CTNNA3: variants seen among roughly 807,000 people sequenced by gnomAD.
CTNNA3 encodes the protein catenin alpha-3.
In CTNNA3, 76 loss-of-function variants were observed where a neutral mutation model predicts 95.7. The ratio of observed to expected loss-of-function variants is 0.79; its 90% CI spans 0.66 to 0.96. The LOEUF is 0.96. CTNNA3 is among the 40% of genes least tolerant of loss of function. The probability of loss-of-function intolerance (pLI) is 0.00; values close to 1 mark genes in which losing one functional copy is unlikely to be tolerated. For missense variants in CTNNA3, 1,191 were observed against 1,089.8 expected (o/e 1.09, Z -1.31); for synonymous variants, 431 against 374.4 (o/e 1.15, Z -1.74).
At chr10:66,493,598 T>C (rs1308577260) in intron 11 of CTNNA3, among the ~76,000 whole-genome samples, 1 of 133,524 alleles carries the variant, frequency 7.5e-6, no homozygotes, top group Non-Finnish European at 1.5e-5. Context: ...TTAACTACAG[T>C]ATTTTTTTTT....
At chr10:66,544,038 T>C (rs187282496) in intron 10 of CTNNA3, among the ~76,000 whole-genome samples, 8 of 150,580 alleles carry the variant, frequency 5.3e-5, no homozygotes, top group African/African-American at 9.7e-5. Flanking sequence ...ATTAGTAATT[T>C]TATTTACTGC....
At chr10:67,399,141 C>T (rs966262218) in intron 5 of CTNNA3, among the ~76,000 whole-genome samples, 1 of 151,800 alleles carries the variant, frequency 6.6e-6, no homozygotes, top group Non-Finnish European at 1.5e-5. Context: ...GGGGCAGAGG[C>T]AGAAGAGATG....
intron 15 of CTNNA3, among the ~76,000 whole-genome samples, chr10:66,035,403 T>G (rs1023433280): frequency 7.2e-5 from 11 of 152,096 alleles, no homozygotes; most frequent in African/African-American, 2.7e-4. Context: ...TAAACAAAAG[T>G]TAACAGTATT....
intron 10 of CTNNA3, among the ~76,000 whole-genome samples, chr10:66,562,379 A>C (rs1842580177): frequency 6.6e-6 from 1 of 152,178 alleles, no homozygotes; most frequent in African/African-American, 2.4e-5. Context: ...GCTGATGTTC[A>C]CACACCTAAG....
chr10:67,539,653 T>A lies in CTNNA3; in HGVS notation c.309A>T (p.Val103=). The change falls in exon 4 of 18, where the codon GTA becomes GTT. Residue 103 remains valine, a synonymous_variant. Transcript: ENST00000433211. ...GGTCATCTGTAAATCTCTCAGCTGA[T>A]ACTTTCAGAGCTTCACCTGAAAAAT... ...EVRKESEALK[V]SAERFTDDPC... 6.2e-7 allele frequency: 1 copy of A among 1,613,462 alleles called. No homozygotes were observed. The highest frequency in any genetic ancestry group is 8.5e-7 in the Non-Finnish European group (1 of 1,179,580).
intron 13 of CTNNA3, among the ~76,000 whole-genome samples, chr10:66,200,584 A>G (rs149241749): frequency 1.6e-3 from 243 of 152,286 alleles, no homozygotes; most frequent in Non-Finnish European, 2.7e-3. Context: ...TGTCACAATG[A>G]CTGGACTTCT....
intron 9 of CTNNA3, among the ~76,000 whole-genome samples, chr10:66,736,272 G>A (rs1041217863): frequency 1.3e-5 from 2 of 151,596 alleles, no homozygotes; most frequent in South Asian, 2.1e-4. Context: ...TGCAACTTCC[G>A]CCTCCCGGGT....
rs554073456 is a variant in CTNNA3 at position 67,228,763 on chromosome 10, C to G, written c.580-8893G>C. Among the ~76,000 whole-genome samples the G allele has an allele frequency of 1.9e-3, 292 of 152,176 alleles. 1 individual carries two copies. Among genetic ancestry groups the G allele is most frequent in the Non-Finnish European group, 3.3e-3 (222 of 67,988 alleles). The stretch of plus-strand genomic sequence containing the variant: ...TCCTGGAAAAATACAACCCTCCTAG[C>G]TTAAATCGGTAAGAATTAGATACCC... On this transcript the variant is annotated intron_variant, in intron 5 of 17. Coordinates refer to ENST00000433211, the MANE Select transcript of CTNNA3 (RefSeq NM_013266.4).
chr10:66,752,088 T>C (rs76296846), intron 9 of CTNNA3, among the ~76,000 whole-genome samples: 2,240 of 152,278 alleles, frequency 0.015, 31 homozygotes, highest in African/African-American at 0.051. Context: ...GTGTAGGTAC[T>C]GATAGGCTTA....
intron 6 of CTNNA3, among the ~76,000 whole-genome samples, chr10:67,181,461 T>C (rs1176849159): frequency 6.6e-6 from 1 of 152,134 alleles, no homozygotes; most frequent in Non-Finnish European, 1.5e-5. Context: ...AAAGAGATAG[T>C]GTAGAATAAA....
At chr10:66,514,269 C>T (rs895233273) in intron 11 of CTNNA3, among the ~76,000 whole-genome samples, 3 of 151,966 alleles carry the variant, frequency 2.0e-5, no homozygotes, top group African/African-American at 7.3e-5. Context: ...CAGCAAATAC[C>T]TATTAAGAGA....
intron 9 of CTNNA3, among the ~76,000 whole-genome samples, chr10:66,747,335 A>G (rs72802607): frequency 0.082 from 12,443 of 152,242 alleles, 732 homozygotes; most frequent in East Asian, 0.23. Context: ...ATTCTTCAAG[A>G]CTAAATGGTT....
At chr10:67,044,429 T>C (rs1854600355) in intron 7 of CTNNA3, among the ~76,000 whole-genome samples, 1 of 152,178 alleles carries the variant, frequency 6.6e-6, no homozygotes, top group African/African-American at 2.4e-5. Flanking sequence ...AAAAACTTGC[T>C]TTTAAGAAGA....
At chr10:66,916,892 C>T (rs886368906) in intron 7 of CTNNA3, among the ~76,000 whole-genome samples, 2 of 151,980 alleles carry the variant, frequency 1.3e-5, no homozygotes, top group African/African-American at 4.8e-5. Context: ...CAATGAAAAC[C>T]CAAAAGGAGA....
chr10:66,587,465 A>G (rs570892215), intron 10 of CTNNA3, among the ~76,000 whole-genome samples: 1 of 152,022 alleles, frequency 6.6e-6, no homozygotes, highest in Non-Finnish European at 1.5e-5. Context: ...ACATCCCTGT[A>G]TATTGCACTG....
intron 5 of CTNNA3, among the ~76,000 whole-genome samples, chr10:67,427,388 G>A (rs1156635889): frequency 6.6e-6 from 1 of 151,958 alleles, no homozygotes; most frequent in Non-Finnish European, 1.5e-5. Flanking sequence ...ACTAAAAAGT[G>A]TAATGTTGTG....
At chr10:66,818,771 T>C (rs1842187588) in intron 7 of CTNNA3, among the ~76,000 whole-genome samples, 1 of 151,944 alleles carries the variant, frequency 6.6e-6, no homozygotes, top group Non-Finnish European at 1.5e-5. Context: ...AATATTCATA[T>C]GGAAAAGCAA....
intron 9 of CTNNA3, among the ~76,000 whole-genome samples, chr10:66,673,152 G>A (rs1247709477): frequency 1.3e-5 from 2 of 151,984 alleles, no homozygotes; most frequent in African/African-American, 2.4e-5. Flanking sequence ...GGCATTAAAT[G>A]TCCACAGCTG....
intron 5 of CTNNA3, among the ~76,000 whole-genome samples, chr10:67,354,122 C>A (rs1206885994): frequency 6.6e-6 from 1 of 152,022 alleles, no homozygotes; most frequent in African/African-American, 2.4e-5. Context: ...AAAAGTCTTG[C>A]TTTCTGAGCA....
Sources: allele counts gnomAD v4.1 joint callset (sites outside exome capture counted in the v4.1 genomes callset), GRCh38; gene constraint gnomAD v4.1.1; transcripts MANE v1.5; gene names NCBI Gene and HGNC (gene_info 2026-07-23, HGNC 2026-07-21).